PLA2G6: variants seen among roughly 807,000 people sequenced by gnomAD.
PLA2G6 encodes the protein 85/88 kDa calcium-independent phospholipase A2.
Under a neutral mutation model 83.8 loss-of-function variants are expected in PLA2G6, and 62 were observed. That is an observed-to-expected ratio of 0.74 (90% confidence interval 0.60 to 0.91). The LOEUF is 0.91. Among genes scored for constraint, PLA2G6 ranks in the 40% least tolerant of loss-of-function variants. The pLI is 0.00. For missense variants in PLA2G6, 944 were observed against 1,102.0 expected, an observed-to-expected ratio of 0.86 and a Z score of 2.03; for synonymous variants, 417 against 449.8, an observed-to-expected ratio of 0.93 and a Z score of 0.92.
rs556692860 is a variant in PLA2G6, at chr22:38,135,033, G to A, written c.849C>T (p.Asp283=). ...GGAGGGGGCTGGCTCCGTAACGGGG[G>A]TCTTTGCTGTGGATCTGGCTGCTGT... is the stretch of plus-strand genomic sequence containing the variant. ...SMDSSQIHSK[D]PRYGASPLHW... Residue 283 remains aspartate, a synonymous_variant, in exon 6 of 17, where the codon GAC becomes GAT. Transcript: ENST00000332509. The A allele has an allele frequency of 8.1e-5, 130 of 1,613,928 alleles. No homozygotes were observed. The South Asian group carries it at 1.4e-3, about 17-fold the overall frequency.
rs2087983409 is a variant in PLA2G6 at position 38,128,212 on chromosome 22, G to A, written c.1348+57C>T. 6.4e-7 allele frequency: 1 copy of A among 1,569,618 alleles called. No homozygotes were observed. The highest frequency in any genetic ancestry group is 1.7e-5 in the Admixed American group (1 of 59,908). On this transcript the variant is annotated intron_variant, in intron 9 of 16. Coordinates refer to ENST00000332509, the MANE Select transcript of PLA2G6 (RefSeq NM_003560.4). This position sits in a 1 kb window ranked among gnomAD's most constrained non-coding sequence, Gnocchi z 4.4. ...TCCTGTTGCTTTGGTGGGGCCTGCT[G>A]TGATCCAGGGGCCTGGGAACCAGCT...
Position 38,145,597 on chromosome 22 carries a change from G to T in PLA2G6, c.266C>A (p.Ser89Tyr), listed in dbSNP as rs142715413. The T allele has an allele frequency of 1.0e-4, 166 of 1,613,836 alleles. 1 individual carries two copies. In the East Asian group the frequency reaches 3.6e-3, roughly 35 times the overall value. Residue 89 changes from serine (S) to tyrosine (Y), a missense_variant, in exon 3 of 17, where the codon TCC becomes TAC. Physicochemically the swap from Ser to Tyr is moderately radical, Grantham distance 144 (BLOSUM62 -2). Coordinates refer to ENST00000332509, the MANE Select transcript of PLA2G6 (RefSeq NM_003560.4). ...GCTCTCATAGAAGGGTAGCAGCTGG[G>T]AAGAATACTGATGGAAATTCACTAG... ...DALVNFHQYS[S>Y]QLLPFYESSP...
At chr22:38,137,067 C>G (rs2088598793) in intron 5 of PLA2G6, 1 of 152,208 alleles carries the variant, frequency 6.6e-6, no homozygotes. Flanking sequence ...TAAAATACAT[C>G]AGCTCTCTGG....
At chr22:38,164,039 T>C (rs1488650777) in intron 2 of PLA2G6, among the ~76,000 whole-genome samples, 1 of 152,154 alleles carries the variant, frequency 6.6e-6, no homozygotes, top group Non-Finnish European at 1.5e-5. Context: ...TCTGCTGAGA[T>C]ACCAGTGAGA....
At chr22:38,117,583 G>A (rs2087283958) in intron 12 of PLA2G6, among the ~76,000 whole-genome samples, 1 of 152,114 alleles carries the variant, frequency 6.6e-6, no homozygotes, top group Non-Finnish European at 1.5e-5. Flanking sequence ...CCTCAAACAG[G>A]TATTTGCACA....
In PLA2G6 at chr22:38,127,234, C is replaced by A. The variant is rs190350848; in HGVS notation, c.1349-785G>T. ...GGTGTCTCCCCCTCCCCAGGGCACACGGCTCCACAGTGAACAAGGGAAGCA... is the reference window on the plus strand; with the variant it reads ...GGTGTCTCCCCCTCCCCAGGGCACAAGGCTCCACAGTGAACAAGGGAAGCA... On this transcript the variant is annotated intron_variant, in intron 9 of 16. Transcript: ENST00000332509. The A allele has an allele frequency of 6.2e-5, 75 of 1,212,252 alleles. 1 individual carries two copies. In the South Asian group the frequency reaches 1.0e-3, roughly 16 times the overall value. The allele number at this position is 1,212,252 out of a possible 1,614,324, so 75.1% of individuals were successfully genotyped here.
At chr22:38,177,331 T>C (rs133021) in intron 1 of PLA2G6, among the ~76,000 whole-genome samples, 86,000 of 151,876 alleles carry the variant, frequency 0.57, 26,143 homozygotes, top group African/African-American at 0.79. Flanking sequence ...CCCCAGCTCA[T>C]TCCAACCTCT....
intron 11 of PLA2G6, among the ~76,000 whole-genome samples, chr22:38,121,328 G>C (rs2087519734): frequency 6.6e-6 from 1 of 152,188 alleles, no homozygotes; most frequent in South Asian, 2.1e-4. Flanking sequence ...AGTGAGCCAA[G>C]ATGCACCACT....
intron 2 of PLA2G6, among the ~76,000 whole-genome samples, chr22:38,155,738 T>A (rs2089752222): frequency 6.6e-6 from 1 of 151,922 alleles, no homozygotes; most frequent in Non-Finnish European, 1.5e-5. Flanking sequence ...AAAATCACCT[T>A]CACTAAAAGG....
rs192556557 is a variant in PLA2G6 at position 38,161,302 on chromosome 22, A to G, written c.209+7916T>C. Among the ~76,000 whole-genome samples the G allele has an allele frequency of 2.0e-4, 30 of 152,194 alleles. No homozygotes were observed. In the East Asian group the frequency reaches 5.8e-3, roughly 29 times the overall value. The stretch of plus-strand genomic sequence containing the variant: ...CTGATAGAGTTCCTGATGAGGGTTC[A>G]CTTCCTGGTTTGCAGATGGCTATCT... On this transcript the variant is annotated intron_variant, in intron 2 of 16. Coordinates refer to ENST00000332509, the MANE Select transcript of PLA2G6 (RefSeq NM_003560.4).
intron 14 of PLA2G6, among the ~76,000 whole-genome samples, chr22:38,114,803 A>G (rs954360794): frequency 6.6e-6 from 1 of 152,232 alleles, no homozygotes; most frequent in African/African-American, 2.4e-5. Context: ...AGACAACAGC[A>G]TGCCAAGGCC....
At chr22:38,118,213 T>C (rs2087321821) in intron 12 of PLA2G6, among the ~76,000 whole-genome samples, 1 of 152,208 alleles carries the variant, frequency 6.6e-6, no homozygotes, top group Non-Finnish European at 1.5e-5. Flanking sequence ...CAAAGAACTC[T>C]GGCCTGCAAC....
At chr22:38,156,618 T>C (rs1475719421) in intron 2 of PLA2G6, among the ~76,000 whole-genome samples, 2 of 152,090 alleles carry the variant, frequency 1.3e-5, no homozygotes, top group African/African-American at 4.8e-5. Flanking sequence ...CATGCCTGGC[T>C]AATTTTTTGT....
chr22:38,156,218 A>G (rs760787958), intron 2 of PLA2G6, among the ~76,000 whole-genome samples: 1 of 152,210 alleles, frequency 6.6e-6, no homozygotes, highest in Non-Finnish European at 1.5e-5. Flanking sequence ...ACCTCAATAC[A>G]ATAATAGCTG....
At chr22:38,179,549 C>A (rs2145977219) in intron 1 of PLA2G6, among the ~76,000 whole-genome samples, 1 of 152,204 alleles carries the variant, frequency 6.6e-6, no homozygotes, top group African/African-American at 2.4e-5. Context: ...TTTGGGAGGC[C>A]AAGGCAGGTG....
intron 14 of PLA2G6, among the ~76,000 whole-genome samples, chr22:38,114,339 C>T (rs1165766922): frequency 6.6e-6 from 1 of 152,166 alleles, no homozygotes; most frequent in Non-Finnish European, 1.5e-5. Context: ...TGCCACTATG[C>T]CCGCCTGGCT....
At chr22:38,112,735 C>T (rs919430238) in intron 15 of PLA2G6, 158 bp from the exon 16 acceptor site, 7 of 686,902 alleles carry the variant, frequency 1.0e-5, no homozygotes, top group Non-Finnish European at 1.8e-5. Context: ...CGGGCAAAAC[C>T]CCTTCCTGGG....
chr22:38,114,044 G>A (rs1320576588), intron 14 of PLA2G6, among the ~76,000 whole-genome samples: 1 of 152,206 alleles, frequency 6.6e-6, no homozygotes, highest in East Asian at 1.9e-4. Flanking sequence ...TTAATCTCCA[G>A]CCAGTCTGTG....
chr22:38,174,495 T>C (rs1365126644), intron 1 of PLA2G6, among the ~76,000 whole-genome samples: 1 of 152,176 alleles, frequency 6.6e-6, no homozygotes, highest in Non-Finnish European at 1.5e-5. Context: ...ATGAGTTCCC[T>C]GGAAGTGACT....
Sources: allele counts gnomAD v4.1 joint callset (sites outside exome capture counted in the v4.1 genomes callset), GRCh38; gene constraint gnomAD v4.1.1; non-coding constraint Gnocchi (gnomAD v3.1); transcripts MANE v1.5; gene names NCBI Gene and HGNC (gene_info 2026-07-23, HGNC 2026-07-21).